C1orf94: variants seen among roughly 807,000 people sequenced by gnomAD.
C1orf94 encodes the protein chromosome 1 open reading frame 94.
C1orf94 carries 45 observed loss-of-function variants against 53.6 expected under a neutral mutation model. That is an observed-to-expected ratio of 0.84 (90% CI 0.66 to 1.08). The LOEUF is 1.08. Among genes scored for constraint, C1orf94 ranks in the 50% least tolerant of loss-of-function variants. The pLI is 0.00. For synonymous variants in C1orf94, 304 were observed against 296.1 expected (o/e 1.03, Z -0.27); for missense variants, 762 against 738.9 (o/e 1.03, Z -0.36).
In C1orf94 at chr1:34,201,007, G is replaced by T; in HGVS notation, c.1245G>T (p.Val415=). The T allele has an allele frequency of 6.2e-7, 1 of 1,604,330 alleles. No individual in the cohort carries two copies. Among genetic ancestry groups the T allele is most frequent in the East Asian group, 2.3e-5 (1 of 44,344 alleles). The change falls in exon 3 of 7, where the codon GTG becomes GTT. Residue 415 remains valine, a synonymous_variant. Transcript: ENST00000488417. The part of the protein sequence containing the change: ...PSGQPRLRNK[V]EVDGPELKFN... ...GGCAGCCGAGACTTCGAAACAAAGT[G>T]GAAGTGGATGGGCCGGAGCTGAAAT...
At chr1:34,196,933 G>T (rs1315892741) in intron 1 of C1orf94, among the ~76,000 whole-genome samples, 1 of 152,168 alleles carries the variant, frequency 6.6e-6, no homozygotes, top group Non-Finnish European at 1.5e-5. Flanking sequence ...AGGAGGAATG[G>T]ACTAGAATTA....
chr1:34,200,997 G>A lies in C1orf94; in HGVS notation c.1235G>A (p.Arg412Gln), dbSNP rs374427865. 1.2e-5 allele frequency: 20 copies of A among 1,609,032 alleles called. No homozygotes were observed. The highest frequency in any genetic ancestry group is 1.1e-4 in the East Asian group (5 of 44,646). Residue 412 changes from arginine to glutamine, a missense_variant, in exon 3 of 7, where the codon CGA becomes CAA. Physicochemically the swap from Arg to Gln is conservative, Grantham distance 43. Transcript: ENST00000488417. The part of the protein sequence containing the change: ...TKNPSGQPRL[R>Q]NKVEVDGPEL... ...AACCCAAGCGGGCAGCCGAGACTTC[G>A]AAACAAAGTGGAAGTGGATGGGCCG...
intron 1 of C1orf94, among the ~76,000 whole-genome samples, chr1:34,193,761 C>T (rs1642535302): frequency 6.6e-6 from 1 of 152,160 alleles, no homozygotes; most frequent in Non-Finnish European, 1.5e-5. Context: ...CCTGTGTGGC[C>T]CATAGTAGGC....
At chr1:34,208,104 C>A in intron 4 of C1orf94, 53 bp from the exon 5 acceptor site, 1 of 1,576,288 alleles carries the variant, frequency 6.3e-7, no homozygotes, top group Non-Finnish European at 8.7e-7. Context: ...TAGCTGATGC[C>A]TTCTGGCAGG....
chr1:34,182,947 C>G (rs1328900712), intron 1 of C1orf94, among the ~76,000 whole-genome samples: 2 of 152,224 alleles, frequency 1.3e-5, no homozygotes, highest in Admixed American at 1.3e-4. Flanking sequence ...GGAGAAAACA[C>G]TAGCCAAGAG....
At chr1:34,179,966 C>T (rs1005665680) in intron 1 of C1orf94, among the ~76,000 whole-genome samples, 1 of 152,128 alleles carries the variant, frequency 6.6e-6, no homozygotes, top group Non-Finnish European at 1.5e-5. Flanking sequence ...AGATAGGAAA[C>T]CAATGACTTA....
chr1:34,173,724 T>G (rs910459044), upstream of C1orf94, among the ~76,000 whole-genome samples: 13 of 152,216 alleles, frequency 8.5e-5, no homozygotes, highest in African/African-American at 3.1e-4. Flanking sequence ...ATGGAGACAT[T>G]GAGGTTAAAC....
At position 34,208,151 on chromosome 1, in the gene C1orf94, C is replaced by T. The variant is rs917828178; in HGVS notation, c.1447-6C>T. The stretch of plus-strand genomic sequence containing the variant: ...CTGGCCATACTGAGCCTCTGTTTCT[C>T]CCCAGGGCCTGTACCCACAGCAGGC... On this transcript the variant is annotated splice_region_variant and splice_polypyrimidine_tract_variant and intron_variant, in intron 4 of 6. Transcript: ENST00000488417. 6.2e-7 allele frequency: 1 copy of T among 1,613,964 alleles called. No individual in the cohort carries two copies.
chr1:34,194,442 T>TG (rs1247352259), intron 1 of C1orf94, among the ~76,000 whole-genome samples: 1 of 152,122 alleles, frequency 6.6e-6, no homozygotes, highest in African/African-American at 2.4e-5. Flanking sequence ...GGGACCATCA[T>TG]GGGGTGATTT....
At chr1:34,203,288 C>T (rs2992634) in intron 4 of C1orf94, among the ~76,000 whole-genome samples, 34,339 of 152,024 alleles carry the variant, frequency 0.23, 4,060 homozygotes, top group Middle Eastern at 0.29. Flanking sequence ...CTGGTATGTG[C>T]GCTAATTTTT....
Sources: gnomAD v4.1 joint callset for allele counts (sites outside exome capture counted in the v4.1 genomes callset) on GRCh38, gnomAD v4.1.1 for gene constraint, MANE v1.5 for transcripts, NCBI Gene and HGNC (gene_info 2026-07-23, HGNC 2026-07-21) for gene names.